The following CLEC16A variants were observed in gnomAD, a reference collection of about 807,000 sequenced individuals.
CLEC16A encodes protein CLEC16A.
CLEC16A carries 51 observed loss-of-function variants against 109.5 expected under a neutral mutation model. The ratio of observed to expected loss-of-function variants is 0.47; its 90% CI spans 0.37 to 0.59. The LOEUF is 0.59. CLEC16A is among the 20% of genes least tolerant of loss of function. CLEC16A has a pLI of 0.00. For synonymous variants in CLEC16A, 673 were observed against 564.2 expected, an observed-to-expected ratio of 1.19 and a Z score of -2.73; for missense variants, 1,339 against 1,394.0, an observed-to-expected ratio of 0.96 and a Z score of 0.63.
chr16:11,133,621 C>G (rs2053379171), intron 22 of CLEC16A, among the ~76,000 whole-genome samples: 1 of 152,216 alleles, frequency 6.6e-6, no homozygotes. Flanking sequence ...ATTGATGTTT[C>G]ATTCATAGAC....
chr16:11,118,849 G>T (rs2153020808), intron 19 of CLEC16A, among the ~76,000 whole-genome samples: 1 of 152,216 alleles, frequency 6.6e-6, no homozygotes, highest in Middle Eastern at 3.4e-3. Flanking sequence ...TCATTCTTCT[G>T]CGTATGGCTG....
intron 19 of CLEC16A, among the ~76,000 whole-genome samples, chr16:11,103,548 C>T (rs1350738921): frequency 6.6e-6 from 1 of 152,132 alleles, no homozygotes; most frequent in Non-Finnish European, 1.5e-5. Flanking sequence ...CCATTGCACT[C>T]CAGCCTGGGC....
At chr16:11,120,196 C>G (rs1029403244) in intron 19 of CLEC16A, among the ~76,000 whole-genome samples, 1 of 152,234 alleles carries the variant, frequency 6.6e-6, no homozygotes, top group Non-Finnish European at 1.5e-5. Flanking sequence ...GTCTCGAACT[C>G]TTCACCCCAG....
rs371288537 is a variant in CLEC16A, at chr16:10,949,716, G to C, written c.80+4919G>C. Among the ~76,000 whole-genome samples, 3 of 152,216 alleles carry C rather than the reference G, an allele frequency of 2.0e-5. 1 individual carries two copies. The East Asian group carries it at 5.8e-4, about 29-fold the overall frequency. On this transcript the variant is annotated intron_variant, in intron 1 of 23. Coordinates refer to ENST00000409790, the MANE Select transcript of CLEC16A (RefSeq NM_015226.3). ...GTTTTTTAACTACAGAAAGGCTGTG[G>C]TCTGGCTGAAGCTGGCAGAATGGAT... is the stretch of plus-strand genomic sequence containing the variant.
intron 12 of CLEC16A, among the ~76,000 whole-genome samples, chr16:11,021,881 C>T (rs2046121315): frequency 6.6e-6 from 1 of 152,074 alleles, no homozygotes; most frequent in Non-Finnish European, 1.5e-5. Context: ...AGAGAACATA[C>T]TTTTCGTAGT....
At chr16:10,951,212 G>T (rs1399358017) in intron 1 of CLEC16A, among the ~76,000 whole-genome samples, 1 of 152,188 alleles carries the variant, frequency 6.6e-6, no homozygotes, top group Admixed American at 6.5e-5. Context: ...TCATCTGTCG[G>T]TGGAGAGTTA....
intron 19 of CLEC16A, among the ~76,000 whole-genome samples, chr16:11,107,371 G>A (rs538012062): frequency 1.3e-5 from 2 of 152,252 alleles, no homozygotes; most frequent in South Asian, 2.1e-4. Flanking sequence ...ATGCTGGGAA[G>A]GAATGCTTTA....
At chr16:11,034,668 G>A (rs938886605) in intron 13 of CLEC16A, among the ~76,000 whole-genome samples, 5 of 152,202 alleles carry the variant, frequency 3.3e-5, no homozygotes, top group African/African-American at 1.2e-4. Context: ...TGTGGGCGGG[G>A]CAGGGAACAT....
chr16:11,109,156 A>T (rs2051409898), intron 19 of CLEC16A, among the ~76,000 whole-genome samples: 1 of 148,172 alleles, frequency 6.7e-6, no homozygotes, highest in African/African-American at 2.5e-5. Flanking sequence ...GCCTTGATTC[A>T]AAACAGCCCT....
chr16:11,087,110 T>A (rs1167160855), intron 19 of CLEC16A, among the ~76,000 whole-genome samples: 1 of 152,264 alleles, frequency 6.6e-6, no homozygotes. Context: ...AAACTAAATA[T>A]GTATTTTCTC....
chr16:11,156,348 T>A (rs1159189860), intron 22 of CLEC16A, among the ~76,000 whole-genome samples: 1 of 139,456 alleles, frequency 7.2e-6, no homozygotes, highest in Admixed American at 7.8e-5. Flanking sequence ...CCAGCCTGGG[T>A]GACAGAGTGA....
At chr16:11,139,300 C>G (rs1298224368) in intron 22 of CLEC16A, among the ~76,000 whole-genome samples, 2 of 152,214 alleles carry the variant, frequency 1.3e-5, no homozygotes. Flanking sequence ...GTTCCCACCT[C>G]CTGGCACCTC....
At chr16:10,983,953 C>T (rs2043475617) in intron 10 of CLEC16A, among the ~76,000 whole-genome samples, 1 of 148,208 alleles carries the variant, frequency 6.7e-6, no homozygotes, top group Admixed American at 6.6e-5. Context: ...ATGCGGAGCC[C>T]AGGCTGCAGC....
chr16:11,094,011 G>C (rs1305814242), intron 19 of CLEC16A, among the ~76,000 whole-genome samples: 2 of 152,170 alleles, frequency 1.3e-5, no homozygotes, highest in African/African-American at 4.8e-5. Flanking sequence ...AGGGTCTTTG[G>C]ACGACAGGCA....
chr16:11,173,042 T>A (rs1417171399), intron 23 of CLEC16A, among the ~76,000 whole-genome samples: 5 of 151,450 alleles, frequency 3.3e-5, no homozygotes, highest in Non-Finnish European at 5.9e-5. Context: ...GACCCACCCC[T>A]GTGCCTGTGT....
intron 23 of CLEC16A, among the ~76,000 whole-genome samples, chr16:11,167,176 G>A (rs982306242): frequency 4.6e-5 from 7 of 152,154 alleles, no homozygotes; most frequent in Admixed American, 1.3e-4. Context: ...TGAGCTATTC[G>A]CTGTGTGAGA....
chr16:11,175,633 G>A (rs898980723), intron 23 of CLEC16A, among the ~76,000 whole-genome samples: 1 of 152,232 alleles, frequency 6.6e-6, no homozygotes, highest in Non-Finnish European at 1.5e-5. Flanking sequence ...CATAGGTGAT[G>A]GGTAAGAAGA....
intron 23 of CLEC16A, among the ~76,000 whole-genome samples, chr16:11,175,451 G>A (rs141109688): frequency 1.8e-4 from 28 of 152,254 alleles, no homozygotes; most frequent in Non-Finnish European, 3.7e-4. Context: ...ATGAAGCCAA[G>A]GCTTCACCAG....
At chr16:11,101,020 T>C (rs1447400494) in intron 19 of CLEC16A, among the ~76,000 whole-genome samples, 2 of 152,188 alleles carry the variant, frequency 1.3e-5, no homozygotes, top group African/African-American at 4.8e-5. Flanking sequence ...GGGACTGTGC[T>C]TGGCCCATAG....
Sources: allele counts gnomAD v4.1 joint callset (sites outside exome capture counted in the v4.1 genomes callset), GRCh38; gene constraint gnomAD v4.1.1; transcripts MANE v1.5; gene names NCBI Gene and HGNC (gene_info 2026-07-23, HGNC 2026-07-21).